The following POLD1 variants were observed in gnomAD, a reference collection of about 807,000 sequenced individuals.
POLD1 encodes the protein DNA polymerase delta 1, catalytic subunit.
A neutral mutation model predicts 129.7 loss-of-function variants in POLD1; 79 were observed. The observed-to-expected ratio is 0.61, with a 90% CI of 0.51 to 0.73. The LOEUF is 0.73. POLD1 is among the 30% of genes least tolerant of loss of function. The pLI, the probability that POLD1 is intolerant of heterozygous loss-of-function variation, is 0.00. For synonymous variants in POLD1, 714 were observed against 683.3 expected (o/e 1.04, Z -0.70); for missense variants, 1,338 against 1,595.8 (o/e 0.84, Z 2.75).
intron 26 of POLD1, among the ~76,000 whole-genome samples, 171 bp from the exon 27 acceptor site, chr19:50,417,671 T>TCCCCCCCCCCCCCCCCCCCCCCCCCCC (rs3840923): frequency 1.7e-4 from 19 of 110,508 alleles, no homozygotes; most frequent in African/African-American, 2.6e-4. Context: ...TGTTATCGGC[T>TCCCCCCCCCCCCCCCCCCCCCCCCCCC]CCCCCCCCCC....
At chr19:50,414,002 G>C in intron 19 of POLD1, 123 bp downstream of exon 19, 1 of 1,071,628 alleles carries the variant, frequency 9.3e-7, no homozygotes, top group East Asian at 2.7e-5. Flanking sequence ...TTCTCCTGAG[G>C]CTGGGGCCTT....
At chr19:50,384,628 G>GCGGGACGTGGCC (rs2037906584) in intron 1 of POLD1, among the ~76,000 whole-genome samples, 2 of 152,008 alleles carry the variant, frequency 1.3e-5, no homozygotes, top group African/African-American at 2.4e-5. Flanking sequence ...GCACCGTGGG[G>GCGGGACGTGGCC]CGGGACGTGG....
At position 50,417,679 on chromosome 19, in the gene POLD1, CCCA is replaced by C. The variant is rs1381975795; in HGVS notation, c.3219-160_3219-158del. Among the ~76,000 whole-genome samples the C allele has an allele frequency of 8.0e-3, 806 of 101,232 alleles. 47 individuals carry two copies. Among genetic ancestry groups the C allele is most frequent in the African/African-American group, 0.047 (768 of 16,500 alleles). 66.4% of individuals were successfully genotyped at this position (101,232 alleles called of 152,430 possible). A position where few individuals can be genotyped will look rare whatever the true frequency, so the allele number is the denominator to read the frequency against. ...CACCCGCTGTTATCGGCTCCCCCCC[CCCA>C]CCCCCCCCGTGCCTGCTGAGCAAAC... is the stretch of plus-strand genomic sequence containing the variant. On this transcript the variant is annotated intron_variant, in intron 26 of 26. Coordinates refer to ENST00000440232, the MANE Select transcript of POLD1 (RefSeq NM_002691.4).
chr19:50,388,501 G>T (rs560883213), intron 1 of POLD1, among the ~76,000 whole-genome samples: 2 of 151,738 alleles, frequency 1.3e-5, no homozygotes, highest in African/African-American at 4.9e-5. Context: ...TAAAAAAGAC[G>T]TCTACATACT....
chr19:50,409,295 T>C lies in POLD1; in HGVS notation c.2006+60T>C. 3.0e-6 allele frequency: 4 copies of C among 1,318,666 alleles called. No homozygotes were observed. Among genetic ancestry groups the C allele is most frequent in the Non-Finnish European group, 4.4e-6 (4 of 918,482 alleles). 81.7% of individuals were successfully genotyped at this position (1,318,666 alleles called of 1,614,324 possible). On this transcript the variant is annotated intron_variant, in intron 16 of 26. Coordinates refer to ENST00000440232, the MANE Select transcript of POLD1 (RefSeq NM_002691.4). The surrounding 1 kb of genome is among the most constrained non-coding windows in gnomAD (Gnocchi z 5.8). Reference sequence around the variant, plus strand: ...CCTGTTGGGGCCTCTGGGCAATCCCTGTCCCTCACTGGGACACCCCAGGGC... The same window carrying C: ...CCTGTTGGGGCCTCTGGGCAATCCCCGTCCCTCACTGGGACACCCCAGGGC...
At position 50,409,663 on chromosome 19, in the gene POLD1, A is replaced by C. The variant is rs2122390104; in HGVS notation, c.2151A>C (p.Ser717=). 1 of 1,598,560 alleles carries C rather than the reference A, an allele frequency of 6.3e-7. No homozygotes were observed. Among genetic ancestry groups the C allele is most frequent in the Non-Finnish European group, 8.5e-7 (1 of 1,169,644 alleles). ...GCAAGTTGCCGTGCCTGGAGATCTC[A>C]CAGGTGGGCACTCGGGCCCCTGGAA... is the stretch of plus-strand genomic sequence containing the variant. ...QVGKLPCLEI[S]QSVTGFGRQM... Residue 717 remains serine, a synonymous_variant, in exon 17 of 27, where the codon TCA becomes TCC. Coordinates refer to ENST00000440232, the MANE Select transcript of POLD1 (RefSeq NM_002691.4). This position sits in a 1 kb window ranked among gnomAD's most constrained non-coding sequence, Gnocchi z 5.8.
intron 9 of POLD1, 120 bp from the exon 10 acceptor site, chr19:50,403,373 C>A: frequency 9.1e-7 from 1 of 1,103,034 alleles, no homozygotes; most frequent in Non-Finnish European, 1.4e-6. Context: ...TAGGCTTGAG[C>A]ACTTCCCCTC....
intron 1 of POLD1, among the ~76,000 whole-genome samples, chr19:50,389,748 G>A (rs1435172636): frequency 8.6e-5 from 13 of 150,344 alleles, no homozygotes; most frequent in Non-Finnish European, 1.6e-4. Flanking sequence ...CACCACGCCC[G>A]GCTAATTTTT....
At chr19:50,391,776 A>G (rs1055523245) in intron 1 of POLD1, among the ~76,000 whole-genome samples, 10 of 151,924 alleles carry the variant, frequency 6.6e-5, no homozygotes, top group African/African-American at 1.9e-4. Flanking sequence ...GCAATGGCGC[A>G]ATCTTGGCTC....
rs1210741696 is a variant in POLD1, at chr19:50,403,029, C to A, written c.971-24C>A. ...TTGGGAGTGAGGGGCAGGAGTCAGG[C>A]CCCTGCATCCTCCTGCCTCGCAGGC... On this transcript the variant is annotated intron_variant, in intron 8 of 26. Transcript: ENST00000440232. 5 of 1,551,670 alleles carry A rather than the reference C, an allele frequency of 3.2e-6. No individual in the cohort carries two copies. Among genetic ancestry groups the A allele is most frequent in the Non-Finnish European group, 4.4e-6 (5 of 1,147,064 alleles).
At chr19:50,416,280 C>A in intron 22 of POLD1, 116 bp from the exon 23 acceptor site, 1 of 1,092,506 alleles carries the variant, frequency 9.2e-7, no homozygotes, top group Non-Finnish European at 1.3e-6. Context: ...CAGGCCCCCC[C>A]CATGTCACAG....
intron 10 of POLD1, among the ~76,000 whole-genome samples, chr19:50,404,256 T>A (rs996947204): frequency 6.6e-6 from 1 of 151,190 alleles, no homozygotes; most frequent in Non-Finnish European, 1.5e-5. Context: ...TGTTTCCACA[T>A]GTCCTCCCTT....
intron 19 of POLD1, 71 bp downstream of exon 19, chr19:50,413,950 G>T (rs2122454323): frequency 6.8e-7 from 1 of 1,465,696 alleles, no homozygotes; most frequent in East Asian, 2.3e-5. Context: ...CCGTTCTTTG[G>T]GTTCACAAAA....
Position 50,402,703 on chromosome 19 carries a change from G to A in POLD1, c.932G>A (p.Arg311His), listed in dbSNP as rs777944185. The A allele has an allele frequency of 1.1e-5, 18 of 1,599,060 alleles. No individual in the cohort carries two copies. Among genetic ancestry groups the A allele is most frequent in the South Asian group, 4.4e-5 (4 of 90,422 alleles). The change falls in exon 8 of 27, where the codon CGC (arginine) becomes CAC (histidine). Residue 311 changes from arginine (R) to histidine (H), a missense_variant. Arg to His is a conservative substitution (Grantham distance 29). This residue lies in a region of POLD1 where 720 missense variants were observed against 1,002.6 expected (regional missense o/e 0.72). Coordinates refer to ENST00000440232, the MANE Select transcript of POLD1 (RefSeq NM_002691.4). The stretch of plus-strand genomic sequence containing the variant: ...CCATGGCAGCGCATTGCGCCCTTGC[G>A]CGTGCTCAGCTTCGATATCGAGTGC... ...EGPWQRIAPL[R>H]VLSFDIECAG...
At chr19:50,407,461 G>A in intron 14 of POLD1, 46 bp downstream of exon 14, 5 of 1,316,922 alleles carry the variant, frequency 3.8e-6, no homozygotes, top group Non-Finnish European at 5.3e-6. Flanking sequence ...ATCTCTGGGA[G>A]GCTGAGGTGG....
In POLD1 at chr19:50,411,854, G is replaced by T. The variant is rs1355033232; in HGVS notation, c.2155-1572G>T. Among the ~76,000 whole-genome samples, 3 of 144,674 alleles carry T rather than the reference G, an allele frequency of 2.1e-5. No individual in the cohort carries two copies. In the East Asian group the frequency reaches 6.0e-4, roughly 29 times the overall value. 94.9% of individuals were successfully genotyped at this position (144,674 alleles called of 152,430 possible). A position where few individuals can be genotyped will look rare whatever the true frequency, so the allele number is the denominator to read the frequency against. On this transcript the variant is annotated intron_variant, in intron 17 of 26. Transcript: ENST00000440232. ...AACTCCGTCTCAAAAAAAAAAAAAA[G>T]TAATGAATTACAGTGTTCACGCCTG...
At chr19:50,416,833 G>T in intron 24 of POLD1, 110 bp downstream of exon 24, 3 of 999,646 alleles carry the variant, frequency 3.0e-6, no homozygotes, top group Non-Finnish European at 4.3e-6. Context: ...GTGGGCCCAG[G>T]GCCCCTGGGT....
At chr19:50,396,071 T>G (rs555498634) in intron 1 of POLD1, among the ~76,000 whole-genome samples, 22,935 of 147,404 alleles carry the variant, frequency 0.16, 2,746 homozygotes, top group African/African-American at 0.33. Flanking sequence ...TTAATTGTTG[T>G]TGTTGGTGGT....
rs765390600 is a variant in POLD1 at position 50,413,809 on chromosome 19, C to T, written c.2318C>T (p.Ala773Val). ...FGVSSVAEAMALGREAADWVS... is the reference protein window; with the variant it reads ...FGVSSVAEAMVLGREAADWVS... ...GTGTCCTCGGTGGCTGAGGCGATGG[C>T]CCTGGGGCGGGAGGCCGCGGACTGG... is the stretch of plus-strand genomic sequence containing the variant. The change falls in exon 19 of 27, where the codon GCC (alanine) becomes GTC (valine). Residue 773 changes from alanine to valine, a missense_variant. By Grantham distance (64) the Ala-to-Val change is moderately conservative (BLOSUM62 0). This residue lies in a region of POLD1 where 720 missense variants were observed against 1,002.6 expected (regional missense o/e 0.72). Transcript: ENST00000440232. The T allele has an allele frequency of 6.2e-7, 1 of 1,612,516 alleles. No homozygotes were observed. Among genetic ancestry groups the T allele is most frequent in the Non-Finnish European group, 8.5e-7 (1 of 1,179,622 alleles).
Sources: gnomAD v4.1 joint callset for allele counts (sites outside exome capture counted in the v4.1 genomes callset) on GRCh38, gnomAD v4.1.1 for gene constraint, gnomAD v4.1.1 regional missense constraint, Gnocchi (gnomAD v3.1) non-coding constraint, MANE v1.5 for transcripts, NCBI Gene and HGNC (gene_info 2026-07-23, HGNC 2026-07-21) for gene names.